The following PSMA3 variants were observed in gnomAD, a reference collection of about 807,000 sequenced individuals.
PSMA3 encodes the protein proteasome subunit alpha type-3.
Under a neutral mutation model 40.0 loss-of-function variants are expected in PSMA3, and 8 were observed. That is an observed-to-expected ratio of 0.20 (90% CI 0.12 to 0.36). The LOEUF (loss-of-function observed/expected upper bound fraction) is 0.36. Among genes scored for constraint, PSMA3 ranks in the 10% least tolerant of loss-of-function variants. The pLI is 1.00. For synonymous variants in PSMA3, 110 were observed against 100.0 expected, an observed-to-expected ratio of 1.10 and a Z score of -0.59; for missense variants, 219 against 310.6, an observed-to-expected ratio of 0.70 and a Z score of 2.22.
At chr14:58,261,934 TATTTA>T (rs1417189896) in intron 6 of PSMA3, among the ~76,000 whole-genome samples, 7 of 151,434 alleles carry the variant, frequency 4.6e-5, no homozygotes, top group African/African-American at 1.7e-4. Flanking sequence ...CCTTTTATTT[TATTTA>T]TTTATAAGAT....
At chr14:58,263,533 T>C (rs1890343091) in intron 6 of PSMA3, 172 bp from the exon 7 acceptor site, 1 of 476,856 alleles carries the variant, frequency 2.1e-6, no homozygotes, top group Non-Finnish European at 3.8e-6. Context: ...TTTGGTATTT[T>C]AGTATTTTTG....
chr14:58,264,465 T>TA (rs1397538984), intron 7 of PSMA3, among the ~76,000 whole-genome samples: 12 of 152,228 alleles, frequency 7.9e-5, no homozygotes, highest in African/African-American at 2.9e-4. Flanking sequence ...TTGATCAACT[T>TA]AAAGACTTCA....
chr14:58,254,620 G>T (rs1458576231), intron 3 of PSMA3, among the ~76,000 whole-genome samples: 1 of 151,864 alleles, frequency 6.6e-6, no homozygotes, highest in Non-Finnish European at 1.5e-5. Flanking sequence ...ACAGGCATGA[G>T]CCAATGTGCC....
Position 58,244,900 on chromosome 14 carries a change from C to G in PSMA3, c.-21C>G, listed in dbSNP as rs774121353. 1.9e-6 allele frequency: 3 copies of G among 1,614,046 alleles called. No homozygotes were observed. Among genetic ancestry groups the G allele is most frequent in the Non-Finnish European group, 2.5e-6 (3 of 1,180,022 alleles). ...GCGCTCCGGGCCTGGAATCCCTACG[C>G]GTCCCTTTGGGTTTAGCACGATGAG... is the stretch of plus-strand genomic sequence containing the variant. On this transcript the variant is annotated 5_prime_UTR_variant, in exon 1 of 11. Coordinates refer to ENST00000216455, the MANE Select transcript of PSMA3 (RefSeq NM_002788.4).
At chr14:58,267,576 T>C in intron 8 of PSMA3, 56 bp downstream of exon 8, 1 of 1,511,706 alleles carries the variant, frequency 6.6e-7, no homozygotes, top group Non-Finnish European at 8.8e-7. Context: ...CCTTTGCATA[T>C]ATATATTACA....
intron 7 of PSMA3, among the ~76,000 whole-genome samples, chr14:58,264,263 T>G (rs1184157240): frequency 2.6e-5 from 4 of 152,228 alleles, no homozygotes; most frequent in African/African-American, 9.6e-5. Flanking sequence ...AAAAGTTATA[T>G]TTTTCCTATA....
intron 5 of PSMA3, among the ~76,000 whole-genome samples, chr14:58,259,756 A>T (rs556254143): frequency 2.0e-5 from 3 of 152,352 alleles, no homozygotes; most frequent in South Asian, 4.1e-4. Context: ...ACAGGAGGCA[A>T]GGAAGAGTGT....
rs572080273 is a variant in PSMA3 at position 58,272,001 on chromosome 14, A to G, written c.*106A>G. ...CCAATTTTCATTAAATTTTTGTCTTATAACTATTGAAGTTTGGTTAATATC... is the reference window on the plus strand; with the variant it reads ...CCAATTTTCATTAAATTTTTGTCTTGTAACTATTGAAGTTTGGTTAATATC... On this transcript the variant is annotated 3_prime_UTR_variant, in exon 11 of 11. Transcript: ENST00000216455. The G allele has an allele frequency of 4.0e-5, 34 of 841,696 alleles. No homozygotes were observed. Among genetic ancestry groups the G allele is most frequent in the East Asian group, 3.8e-4 (14 of 36,424 alleles). The allele number at this position is 841,696 out of a possible 1,614,324, so 52.1% of individuals were successfully genotyped here. A position where few individuals can be genotyped will look rare whatever the true frequency, so the allele number is the denominator to read the frequency against.
intron 10 of PSMA3, 66 bp from the exon 11 acceptor site, chr14:58,271,785 T>C: frequency 2.6e-6 from 3 of 1,166,456 alleles, no homozygotes; most frequent in Non-Finnish European, 3.8e-6. Flanking sequence ...GTAGCTTAAC[T>C]TGCCCACAGG....
intron 2 of PSMA3, among the ~76,000 whole-genome samples, chr14:58,249,340 T>TA (rs926818664): frequency 3.6e-4 from 54 of 151,452 alleles, no homozygotes; most frequent in African/African-American, 7.5e-4. Flanking sequence ...TTTCTTATTT[T>TA]AAAAAAAAAT....
rs1566646876 is a variant in PSMA3 at position 58,271,814 on chromosome 14, T to TA, written c.724-32dup. The stretch of plus-strand genomic sequence containing the variant: ...CCACAGGTGTGGGATATAACAATTT[T>TA]AAAAATCAATTTTAAACACCTGTTT... On this transcript the variant is annotated intron_variant, in intron 10 of 10. Transcript: ENST00000216455. 5 of 1,533,602 alleles carry TA rather than the reference T, an allele frequency of 3.3e-6. No homozygotes were observed. The South Asian group carries it at 4.5e-5, about 14-fold the overall frequency. The allele number at this position is 1,533,602 out of a possible 1,614,324, so 95.0% of individuals were successfully genotyped here.
intron 2 of PSMA3, among the ~76,000 whole-genome samples, chr14:58,248,509 A>G (rs930157312): frequency 1.3e-5 from 2 of 152,132 alleles, no homozygotes; most frequent in East Asian, 1.9e-4. Context: ...CCCCAGTCCT[A>G]TATTTCTCGT....
chr14:58,271,070 C>G lies in PSMA3; in HGVS notation c.723+72C>G, dbSNP rs773930006. ...ATCACTTAGCCCAGGAGTTTGAGAC[C>G]AGCCTGAGCAGCACAGCAAGACCCC... On this transcript the variant is annotated intron_variant, in intron 10 of 10. Coordinates refer to ENST00000216455, the MANE Select transcript of PSMA3 (RefSeq NM_002788.4). 4.3e-4 allele frequency: 460 copies of G among 1,080,956 alleles called. 3 individuals are homozygous for G. The highest frequency in any genetic ancestry group is 7.9e-4 in the Middle Eastern group (3 of 3,804). 67.0% of individuals were successfully genotyped at this position (1,080,956 alleles called of 1,614,324 possible).
At chr14:58,245,051 C>A in intron 1 of PSMA3, 110 bp downstream of exon 1, 1 of 1,436,422 alleles carries the variant, frequency 7.0e-7, no homozygotes, top group Non-Finnish European at 9.8e-7. Context: ...AGACCGCCTT[C>A]GGCTGGGTGG....
chr14:58,271,425 G>T (rs913353229), intron 10 of PSMA3, among the ~76,000 whole-genome samples: 41 of 151,328 alleles, frequency 2.7e-4, no homozygotes, highest in African/African-American at 9.0e-4. Flanking sequence ...TGCCTCCAGG[G>T]TTCAAGCGAT....
At chr14:58,269,321 G>C (rs1428472872) in intron 8 of PSMA3, among the ~76,000 whole-genome samples, 2 of 152,146 alleles carry the variant, frequency 1.3e-5, no homozygotes, top group African/African-American at 4.8e-5. Context: ...GTGAAGGCCA[G>C]GTTATGTGGC....
chr14:58,259,274 A>G (rs1890216060), intron 5 of PSMA3, among the ~76,000 whole-genome samples: 1 of 152,132 alleles, frequency 6.6e-6, no homozygotes, highest in Non-Finnish European at 1.5e-5. Context: ...TTAAGGGAGT[A>G]AGAATAGTAG....
intron 6 of PSMA3, among the ~76,000 whole-genome samples, chr14:58,262,278 G>T (rs1201316722): frequency 6.6e-6 from 1 of 152,112 alleles, no homozygotes; most frequent in East Asian, 1.9e-4. Flanking sequence ...CTGGAGTGCA[G>T]TGGCGCCAAA....
intron 3 of PSMA3, among the ~76,000 whole-genome samples, chr14:58,256,143 C>T (rs1383363166): frequency 2.6e-5 from 4 of 152,040 alleles, no homozygotes; most frequent in Non-Finnish European, 4.4e-5. Context: ...CATGAGCCAC[C>T]GTGCCCGGCC....
Sources: allele counts gnomAD v4.1 joint callset (sites outside exome capture counted in the v4.1 genomes callset), GRCh38; gene constraint gnomAD v4.1.1; transcripts MANE v1.5; gene names NCBI Gene and HGNC (gene_info 2026-07-23, HGNC 2026-07-21).